TJP3: variants seen among roughly 807,000 people sequenced by gnomAD.
TJP3 encodes tight junction protein 3.
TJP3 carries 85 observed loss-of-function variants against 104.2 expected under a neutral mutation model. That is an observed-to-expected ratio of 0.82 (90% confidence interval 0.68 to 0.98). The LOEUF is 0.98. Ranked by LOEUF, TJP3 falls within the 50% of genes least tolerant of loss-of-function variation. TJP3 has a pLI of 0.00. For missense variants in TJP3, 1,367 were observed against 1,322.8 expected, an observed-to-expected ratio of 1.03 and a Z score of -0.52; for synonymous variants, 550 against 550.6, an observed-to-expected ratio of 1.00 and a Z score of 0.02.
chr19:3,718,630 A>G (rs1317922716), intron 1 of TJP3, among the ~76,000 whole-genome samples: 2 of 151,302 alleles, frequency 1.3e-5, no homozygotes, highest in African/African-American at 2.4e-5. Context: ...CACCACGCCC[A>G]GCTAATTTTT....
chr19:3,730,334 T>A lies in TJP3; in HGVS notation c.262-21T>A. On this transcript the variant is annotated intron_variant, in intron 4 of 20. Coordinates refer to ENST00000541714, the MANE Select transcript of TJP3 (RefSeq NM_001267560.2). The surrounding 1 kb of genome is among the most constrained non-coding windows in gnomAD (Gnocchi z 7.3). Reference sequence around the variant, plus strand: ...CCAGCCCTTGCCTGTAGCTGACCCTTCCTGTCCCCTCCTCTAACAGACAGT... The same window carrying A: ...CCAGCCCTTGCCTGTAGCTGACCCTACCTGTCCCCTCCTCTAACAGACAGT... 1.3e-6 allele frequency: 2 copies of A among 1,500,992 alleles called. No individual in the cohort carries two copies. Among genetic ancestry groups the A allele is most frequent in the South Asian group, 1.3e-5 (1 of 75,054 alleles). The allele number at this position is 1,500,992 out of a possible 1,614,324, so 93.0% of individuals were successfully genotyped here. A position where few individuals can be genotyped will look rare whatever the true frequency, so the allele number is the denominator to read the frequency against.
Position 3,736,340 on chromosome 19 carries a change from G to A in TJP3, c.1284+19G>A. ...TCTGCAGGTGCTCCGGGGGCGGCTG[G>A]CCAGCCCCACTGATCATGGGCGTGC... On this transcript the variant is annotated intron_variant, in intron 11 of 20. Coordinates refer to ENST00000541714, the MANE Select transcript of TJP3 (RefSeq NM_001267560.2). 1.3e-6 allele frequency: 2 copies of A among 1,514,074 alleles called. No homozygotes were observed. The highest frequency in any genetic ancestry group is 1.8e-6 in the Non-Finnish European group (2 of 1,132,960). The allele number at this position is 1,514,074 out of a possible 1,614,324, so 93.8% of individuals were successfully genotyped here.
intron 1 of TJP3, among the ~76,000 whole-genome samples, chr19:3,709,189 C>T (rs1362812268): frequency 2.0e-5 from 3 of 151,978 alleles, no homozygotes; most frequent in South Asian, 2.1e-4. Flanking sequence ...GATCTTGGCT[C>T]ACTGCAACCT....
At chr19:3,720,901 C>CTTT (rs370206267) in intron 1 of TJP3, among the ~76,000 whole-genome samples, 9,336 of 114,278 alleles carry the variant, frequency 0.082, 731 homozygotes, top group Non-Finnish European at 0.11. Context: ...CCTTCCTTTT[C>CTTT]TTTTTTTTTT....
intron 1 of TJP3, among the ~76,000 whole-genome samples, chr19:3,723,931 A>C (rs928226456): frequency 7.2e-5 from 11 of 152,018 alleles, no homozygotes; most frequent in Admixed American, 7.2e-4. Flanking sequence ...CCTAGACCTC[A>C]GTGGCAGGGG....
intron 19 of TJP3, among the ~76,000 whole-genome samples, chr19:3,748,567 C>A (rs1483436908): frequency 9.3e-6 from 1 of 107,910 alleles, no homozygotes; most frequent in Non-Finnish European, 1.9e-5. Context: ...TGCACCCAGG[C>A]TTTTTTTTTT....
At chr19:3,728,792 C>T in intron 3 of TJP3, 79 bp downstream of exon 3, 7 of 1,465,346 alleles carry the variant, frequency 4.8e-6, no homozygotes, top group Non-Finnish European at 6.6e-6. Flanking sequence ...GTGACTCACA[C>T]CCGTCATCCC....
At chr19:3,736,129 ACTCTG>A (rs1261870544) in intron 10 of TJP3, 31 bp from the exon 11 acceptor site, 2 of 1,562,270 alleles carry the variant, frequency 1.3e-6, no homozygotes, top group South Asian at 2.4e-5. Context: ...TTGTCCGCCC[ACTCTG>A]CTCTGACCCC....
chr19:3,749,447 CTCTCA>C (rs1253410825), intron 19 of TJP3, among the ~76,000 whole-genome samples: 1 of 152,226 alleles, frequency 6.6e-6, no homozygotes, highest in East Asian at 1.9e-4. Flanking sequence ...TAAAGGGAGC[CTCTCA>C]TCTCAGCCTC....
rs1333745833 is a variant in TJP3, at chr19:3,740,483, G to T, written c.1632-69G>T. 6.5e-6 allele frequency: 7 copies of T among 1,082,060 alleles called. No homozygotes were observed. In the African/African-American group the frequency reaches 9.7e-5, roughly 15 times the overall value. 67.0% of individuals were successfully genotyped at this position (1,082,060 alleles called of 1,614,324 possible). On this transcript the variant is annotated intron_variant, in intron 13 of 20. Coordinates refer to ENST00000541714, the MANE Select transcript of TJP3 (RefSeq NM_001267560.2). Reference sequence around the variant, plus strand: ...CCTGTCCACAGGCTCCGAGGGGTAGGACGAGGACGTCTTTGGGGCCACCAT... The same window carrying T: ...CCTGTCCACAGGCTCCGAGGGGTAGTACGAGGACGTCTTTGGGGCCACCAT...
chr19:3,721,312 G>T (rs555241990), intron 1 of TJP3, among the ~76,000 whole-genome samples: 3 of 152,248 alleles, frequency 2.0e-5, no homozygotes, highest in Non-Finnish European at 4.4e-5. Context: ...CCACGCCTCT[G>T]GCCTCTGGGG....
rs577322092 is a variant in TJP3, at chr19:3,745,293, G to A, written c.1940-718G>A. The stretch of plus-strand genomic sequence containing the variant: ...CCCTGGTAGCTGGGATTACAGGCAC[G>A]CGCCACCATGCCCGGCTAATTTTTG... On this transcript the variant is annotated intron_variant, in intron 15 of 20. Transcript: ENST00000541714. Among the ~76,000 whole-genome samples, 74 of 151,712 alleles carry A rather than the reference G, an allele frequency of 4.9e-4. 2 individuals are homozygous for A. The South Asian group carries it at 0.013, about 26-fold the overall frequency.
At chr19:3,722,764 C>T (rs2036553743) in intron 1 of TJP3, among the ~76,000 whole-genome samples, 3 of 151,898 alleles carry the variant, frequency 2.0e-5, no homozygotes, top group Middle Eastern at 3.4e-3. Context: ...TTCTTCCTTG[C>T]CTCCAGGCAC....
intron 1 of TJP3, among the ~76,000 whole-genome samples, chr19:3,709,296 A>G (rs2036412279): frequency 6.6e-6 from 1 of 152,056 alleles, no homozygotes; most frequent in Non-Finnish European, 1.5e-5. Context: ...GGGTTTCACC[A>G]TGTTGGCCAG....
Position 3,746,723 on chromosome 19 carries a change from C to A in TJP3, c.2221+28C>A. 6.2e-7 allele frequency: 1 copy of A among 1,601,264 alleles called. No individual in the cohort carries two copies. Among genetic ancestry groups the A allele is most frequent in the Non-Finnish European group, 8.5e-7 (1 of 1,173,914 alleles). ...TGGGGGGTGGGTGTCCCAGGGTAGG[C>A]GGGTGGGCCCCAGCCTGAGTCTCCT... is the stretch of plus-strand genomic sequence containing the variant. On this transcript the variant is annotated intron_variant, in intron 17 of 20. Transcript: ENST00000541714. The surrounding 1 kb of genome is among the most constrained non-coding windows in gnomAD (Gnocchi z 4.1).
chr19:3,738,568 C>A lies in TJP3; in HGVS notation c.1298C>A (p.Pro433Gln). 6.2e-7 allele frequency: 1 copy of A among 1,613,396 alleles called. No homozygotes were observed. The highest frequency in any genetic ancestry group is 1.1e-5 in the South Asian group (1 of 90,970). The change falls in exon 12 of 21, where the codon CCA becomes CAA. Residue 433 changes from proline to glutamine, a missense_variant. Physicochemically the swap from Pro to Gln is moderately conservative, Grantham distance 76. Transcript: ENST00000541714. ...GCTTTCTGGCAGGTGAATGACGTGC[C>A]ATTCCAGAACCTGACACGGGAGGAG... ...GDQILQVNDV[P>Q]FQNLTREEAV...
rs145172486 is a variant in TJP3, at chr19:3,747,877, C to T, written c.2406C>T (p.Arg802=). The change falls in exon 19 of 21, where the codon CGC becomes CGT. Residue 802 remains arginine (R), a synonymous_variant. Coordinates refer to ENST00000541714, the MANE Select transcript of TJP3 (RefSeq NM_001267560.2). ...CCGCTGACCTCAGCTGCGACAGCCG[C>T]GTTAACAGCGACTACGAGACGGACG... ...DSSADLSCDS[R]VNSDYETDGE... 486 of 1,613,028 alleles carry T rather than the reference C, an allele frequency of 3.0e-4. 2 individuals carry two copies. In the African/African-American group the frequency reaches 5.6e-3, roughly 19 times the overall value.
At chr19:3,728,002 G>A (rs867656940) in intron 1 of TJP3, among the ~76,000 whole-genome samples, 4 of 151,990 alleles carry the variant, frequency 2.6e-5, no homozygotes, top group Admixed American at 2.0e-4. Flanking sequence ...CACTTTGGGA[G>A]GCCGAGGTGG....
At position 3,750,626 on chromosome 19, in the gene TJP3, A is replaced by C. The variant is rs923209402; in HGVS notation, c.2702A>C (p.His901Pro). 10 of 1,609,148 alleles carry C rather than the reference A, an allele frequency of 6.2e-6. No homozygotes were observed. The highest frequency in any genetic ancestry group is 7.6e-6 in the Non-Finnish European group (9 of 1,177,886). Residue 901 changes from histidine (H) to proline (P), a missense_variant, in exon 21 of 21, where the codon CAT (histidine) becomes CCT (proline). Coordinates refer to ENST00000541714, the MANE Select transcript of TJP3 (RefSeq NM_001267560.2). ...CTGAAGAAAAAGTTTATGCGAGTAC[A>C]TGATGCGGAGTCCTCCGATGAAGAC... ...EALKKKFMRVHDAESSDEDGY... is the reference protein window; with the variant it reads ...EALKKKFMRVPDAESSDEDGY...
Sources: allele counts gnomAD v4.1 joint callset (sites outside exome capture counted in the v4.1 genomes callset), GRCh38; gene constraint gnomAD v4.1.1; non-coding constraint Gnocchi (gnomAD v3.1); transcripts MANE v1.5; gene names NCBI Gene and HGNC (gene_info 2026-07-23, HGNC 2026-07-21).